The following ARHGAP10 variants were observed in gnomAD, a reference collection of about 807,000 sequenced individuals.
ARHGAP10 encodes rho GTPase-activating protein 10.
In ARHGAP10, 87 loss-of-function variants were observed where a neutral mutation model predicts 108.6. That is an observed-to-expected ratio of 0.80 (90% CI 0.67 to 0.96). The LOEUF is 0.96. Among genes scored for constraint, ARHGAP10 ranks in the 40% least tolerant of loss-of-function variants. The pLI is 0.00. For missense variants in ARHGAP10, 939 were observed against 954.5 expected (o/e 0.98, Z 0.21); for synonymous variants, 347 against 341.1 (o/e 1.02, Z -0.19).
intron 3 of ARHGAP10, among the ~76,000 whole-genome samples, chr4:147,834,156 C>T (rs1272971065): frequency 6.6e-6 from 1 of 152,222 alleles, no homozygotes; most frequent in Admixed American, 6.5e-5. Flanking sequence ...CAGTCTACTC[C>T]TGTGATAACC....
rs1314847958 is a variant in ARHGAP10 at position 147,939,873 on chromosome 4, TCC to T, written c.1278_1279del (p.Gln427GlufsTer14). ...AGAGTTGTGGGGGTGAGTTCAAAGG[TCC>T]AGAGACTTCTGAGTATGTTGATGGG... is the stretch of plus-strand genomic sequence containing the variant. On this transcript the variant is annotated frameshift_variant, in exon 14 of 23. Coordinates refer to ENST00000336498, the MANE Select transcript of ARHGAP10 (RefSeq NM_024605.4). LOFTEE classifies it high-confidence loss of function. 1 of 1,613,906 alleles carries T rather than the reference TCC, an allele frequency of 6.2e-7. No homozygotes were observed. The highest frequency in any genetic ancestry group is 8.5e-7 in the Non-Finnish European group (1 of 1,179,948).
chr4:147,845,532 G>T (rs1043380377), intron 3 of ARHGAP10, among the ~76,000 whole-genome samples: 11 of 152,200 alleles, frequency 7.2e-5, no homozygotes, highest in African/African-American at 2.7e-4. Context: ...ATGTTGCATG[G>T]TGGTTATGCT....
At chr4:147,799,414 A>G (rs1705264181) in intron 1 of ARHGAP10, among the ~76,000 whole-genome samples, 1 of 152,154 alleles carries the variant, frequency 6.6e-6, no homozygotes, top group Non-Finnish European at 1.5e-5. Flanking sequence ...TTCTTTGAAT[A>G]TTCTTTTAGC....
chr4:147,732,568 G>C, intron 1 of ARHGAP10, 113 bp downstream of exon 1: 1 of 1,453,764 alleles, frequency 6.9e-7, no homozygotes. Context: ...AGAGGAACGG[G>C]GAATTCATTC....
At chr4:147,956,528 T>C (rs2126985362) in intron 16 of ARHGAP10, among the ~76,000 whole-genome samples, 1 of 152,098 alleles carries the variant, frequency 6.6e-6, no homozygotes, top group East Asian at 1.9e-4. Flanking sequence ...TGGGGGAAAA[T>C]TTTTTCGGCA....
intron 4 of ARHGAP10, among the ~76,000 whole-genome samples, chr4:147,850,727 G>A (rs2126822919): frequency 6.6e-6 from 1 of 152,322 alleles, no homozygotes; most frequent in African/African-American, 2.4e-5. Flanking sequence ...CCCACCAGAA[G>A]GAACCAATTC....
At chr4:147,961,293 A>G (rs1738983463) in intron 16 of ARHGAP10, among the ~76,000 whole-genome samples, 1 of 152,190 alleles carries the variant, frequency 6.6e-6, no homozygotes, top group African/African-American at 2.4e-5. Context: ...TTTCACCGAT[A>G]TAGGTTTATT....
chr4:147,940,502 C>T (rs1420918768), intron 14 of ARHGAP10, among the ~76,000 whole-genome samples: 3 of 152,200 alleles, frequency 2.0e-5, no homozygotes, highest in Non-Finnish European at 4.4e-5. Context: ...ACATTACACA[C>T]TGCTGTCAGT....
At chr4:147,853,783 CT>C (rs1308361424) in intron 4 of ARHGAP10, among the ~76,000 whole-genome samples, 1 of 151,304 alleles carries the variant, frequency 6.6e-6, no homozygotes, top group Non-Finnish European at 1.5e-5. Context: ...TCTTTCTTTC[CT>C]TTTTTGCTTA....
intron 12 of ARHGAP10, among the ~76,000 whole-genome samples, chr4:147,911,916 T>A (rs1023123784): frequency 3.1e-5 from 4 of 130,646 alleles, no homozygotes; most frequent in African/African-American, 1.1e-4. Flanking sequence ...AAAAAGCTTT[T>A]CTTAAAATTT....
intron 1 of ARHGAP10, among the ~76,000 whole-genome samples, chr4:147,783,941 C>G (rs111520799): frequency 8.0e-6 from 1 of 124,818 alleles, no homozygotes; most frequent in Non-Finnish European, 1.6e-5. Flanking sequence ...ATTTATATAA[C>G]ACACATTAAA....
At chr4:148,023,101 TA>T in intron 18 of ARHGAP10, 161 bp from the exon 19 acceptor site, 1 of 618,096 alleles carries the variant, frequency 1.6e-6, no homozygotes, top group Admixed American at 3.3e-5. Flanking sequence ...GTTAAAAAAA[TA>T]AAAGGCTATG....
intron 18 of ARHGAP10, among the ~76,000 whole-genome samples, chr4:147,967,717 A>G (rs28716209): frequency 0.027 from 4,136 of 152,294 alleles, 164 homozygotes; most frequent in African/African-American, 0.085. Flanking sequence ...AACAGAGACC[A>G]GATAGCCCGC....
chr4:148,043,766 G>GTA (rs1553975439), intron 19 of ARHGAP10, among the ~76,000 whole-genome samples: 4 of 141,636 alleles, frequency 2.8e-5, no homozygotes, highest in South Asian at 2.2e-4. Flanking sequence ...ATATATATGT[G>GTA]TATATATATG....
chr4:148,018,468 G>A (rs961565105), intron 18 of ARHGAP10, among the ~76,000 whole-genome samples: 2 of 151,640 alleles, frequency 1.3e-5, no homozygotes, highest in Non-Finnish European at 2.9e-5. Context: ...GAATTTTAAA[G>A]TAAACAGTTT....
At chr4:147,831,994 T>TA (rs1330455537) in intron 3 of ARHGAP10, among the ~76,000 whole-genome samples, 1 of 152,158 alleles carries the variant, frequency 6.6e-6, no homozygotes, top group Admixed American at 6.5e-5. Context: ...TGTTGAAACT[T>TA]ACATTTCCTG....
At chr4:147,887,426 C>CT (rs1394033956) in intron 10 of ARHGAP10, among the ~76,000 whole-genome samples, 1 of 90,008 alleles carries the variant, frequency 1.1e-5, no homozygotes, top group Non-Finnish European at 2.5e-5. Context: ...GTGAAATGCT[C>CT]TTATTTCATT....
chr4:147,854,444 T>C (rs1305928099), intron 4 of ARHGAP10, among the ~76,000 whole-genome samples: 1 of 152,226 alleles, frequency 6.6e-6, no homozygotes, highest in Non-Finnish European at 1.5e-5. Context: ...TCTCCCAGCC[T>C]GTTTCACTCA....
At chr4:147,894,733 A>AT (rs1286054288) in intron 10 of ARHGAP10, among the ~76,000 whole-genome samples, 1 of 151,964 alleles carries the variant, frequency 6.6e-6, no homozygotes, top group Non-Finnish European at 1.5e-5. Context: ...AGGTTTGTTT[A>AT]TTTTTTCCCC....
Sources: allele counts gnomAD v4.1 joint callset (sites outside exome capture counted in the v4.1 genomes callset), GRCh38; gene constraint gnomAD v4.1.1; transcripts MANE v1.5; gene names NCBI Gene and HGNC (gene_info 2026-07-23, HGNC 2026-07-21).